PHEX: variants seen among roughly 807,000 people sequenced by gnomAD.
The protein encoded by PHEX is phosphate regulating endopeptidase X-linked.
In PHEX, 16 loss-of-function variants were observed where a neutral mutation model predicts 68.0. That is an observed-to-expected ratio of 0.24 (90% CI 0.16 to 0.36). PHEX has a LOEUF of 0.36. Ranked by LOEUF, PHEX falls within the 10% of genes least tolerant of loss-of-function variation. The pLI is 1.00. For missense variants in PHEX, 480 were observed against 575.5 expected (o/e 0.83, Z 1.70); for synonymous variants, 208 against 205.1 (o/e 1.01, Z -0.12).
Position 22,249,455 on chromosome X carries a change from A to AAAAATATATATATAT in PHEX, c.*1503_*1504insAAATATATATATATA. The AAAAATATATATATAT allele has an allele frequency of 3.0e-3, 118 of 39,708 alleles. No homozygotes were observed. Among genetic ancestry groups the AAAAATATATATATAT allele is most frequent in the Non-Finnish European group, 4.1e-3 (100 of 24,433 alleles). The allele number at this position is 39,708 out of a possible 1,213,427, so 3.3% of individuals were successfully genotyped here. On this transcript the variant is annotated 3_prime_UTR_variant, in exon 22 of 22. Transcript: ENST00000379374. The stretch of plus-strand genomic sequence containing the variant: ...TTGTGATTCTTTTAAAAAAAAAAAA[A>AAAAATATATATATAT]ATATATATATATATATATATATATA...
rs1602402424 is a variant in PHEX at position 22,219,178 on chromosome X, A to G, written c.1768+75A>G. ...TATATGGATGTTAATTGTTATGATT[A>G]TCTTTGCATAGCAGCAGCATCATAG... On this transcript the variant is annotated intron_variant, in intron 17 of 21. Transcript: ENST00000379374. 19 of 691,914 alleles carry G rather than the reference A, an allele frequency of 2.7e-5. No individual in the cohort carries two copies. In the East Asian group the frequency reaches 6.1e-4, roughly 22 times the overall value. 57.0% of individuals were successfully genotyped at this position (691,914 alleles called of 1,213,427 possible). A position where few individuals can be genotyped will look rare whatever the true frequency, so the allele number is the denominator to read the frequency against.
chrX:22,065,495 G>A (rs930362971), intron 3 of PHEX, among the ~76,000 whole-genome samples: 1 of 110,625 alleles, frequency 9.0e-6, no homozygotes, highest in African/African-American at 3.3e-5. Flanking sequence ...GCATGATCTC[G>A]GCTCACTGCA....
chrX:22,174,913 C>T (rs1933651364), intron 13 of PHEX, among the ~76,000 whole-genome samples: 2 of 112,060 alleles, frequency 1.8e-5, no homozygotes, highest in Non-Finnish European at 3.8e-5. Context: ...CCTTGAATCA[C>T]TGGTTCTCTT....
chrX:22,038,373 G>A, intron 1 of PHEX, 96 bp from the exon 2 acceptor site: 1 of 606,538 alleles, frequency 1.6e-6, no homozygotes. Context: ...TGAGAAGGAT[G>A]AACTGATATC....
chrX:22,039,452 T>C (rs776399860), intron 2 of PHEX, among the ~76,000 whole-genome samples: 40 of 112,201 alleles, frequency 3.6e-4, no homozygotes, highest in African/African-American at 1.2e-3. Flanking sequence ...GAAATTCCCA[T>C]GAGGGAATAT....
rs1368287973 is a variant in PHEX at position 22,130,329 on chromosome X, C to T, written c.1303-3194C>T. 6.3e-5 allele frequency among the ~76,000 whole-genome samples: 7 copies of T among 110,705 alleles called. No individual in the cohort carries two copies. The Admixed American group carries it at 6.7e-4, about 11-fold the overall frequency. ...CTGAGGCGGGTGGATCACCTGAGCT[C>T]GGAGGTTCGAGACTAGCCTGGGCAA... On this transcript the variant is annotated intron_variant, in intron 11 of 21. Transcript: ENST00000379374.
At position 22,032,898 on chromosome X, in the gene PHEX, A is replaced by C; in HGVS notation, c.-108A>C. 1 of 592,073 alleles carries C rather than the reference A, an allele frequency of 1.7e-6. No individual in the cohort carries two copies. 48.8% of individuals were successfully genotyped at this position (592,073 alleles called of 1,213,427 possible). On this transcript the variant is annotated 5_prime_UTR_variant, in exon 1 of 22. Transcript: ENST00000379374. ...CTGACGGCAGTTTCTTAAGCTGTCC[A>C]TTAGTAGAAGAGCAAGAAAGCCTTG...
In PHEX at chrX:22,247,928, G is replaced by T. The variant is rs1430905509; in HGVS notation, c.2225G>T (p.Gly742Val). The change falls in exon 22 of 22, where the codon GGC becomes GTC. Residue 742 changes from glycine (G) to valine (V), a missense_variant. By Grantham distance (109) the Gly-to-Val change is moderately radical. Coordinates refer to ENST00000379374, the MANE Select transcript of PHEX (RefSeq NM_000444.6). ...CCACCCAATTCCACGATGAACAGAGGCATGGACTCCTGCCGACTCTGGTAG... is the reference window on the plus strand; with the variant it reads ...CCACCCAATTCCACGATGAACAGAGTCATGGACTCCTGCCGACTCTGGTAG... ...NCPPNSTMNR[G>V]MDSCRLW 1 of 1,206,360 alleles carries T rather than the reference G, an allele frequency of 8.3e-7. No individual in the cohort carries two copies. Among genetic ancestry groups the T allele is most frequent in the East Asian group, 3.0e-5 (1 of 33,828 alleles).
chrX:22,201,964 A>C (rs763145242), intron 15 of PHEX, among the ~76,000 whole-genome samples: 1 of 94,512 alleles, frequency 1.1e-5, no homozygotes, highest in Non-Finnish European at 2.0e-5. Flanking sequence ...TCTTTAAAAA[A>C]TCAATTGTTT....
chrX:22,158,942 A>C (rs1165557214), intron 12 of PHEX, among the ~76,000 whole-genome samples: 1 of 112,618 alleles, frequency 8.9e-6, no homozygotes, highest in African/African-American at 3.2e-5. Context: ...AATCTTTACA[A>C]ACTCTCTGTT....
At chrX:22,056,156 T>C (rs1928095638) in intron 3 of PHEX, among the ~76,000 whole-genome samples, 2 of 112,335 alleles carry the variant, frequency 1.8e-5, no homozygotes, top group Non-Finnish European at 3.8e-5. Context: ...GAAAATAGTC[T>C]TATTTACCAA....
chrX:22,096,171 G>A (rs765844724), intron 7 of PHEX, among the ~76,000 whole-genome samples: 4 of 112,113 alleles, frequency 3.6e-5, no homozygotes, highest in East Asian at 5.6e-4. Context: ...AGGCCCGAAG[G>A]CAAAGTCATG....
intron 2 of PHEX, among the ~76,000 whole-genome samples, chrX:22,044,859 T>C (rs1236356984): frequency 9.0e-6 from 1 of 111,052 alleles, no homozygotes; most frequent in African/African-American, 3.3e-5. Flanking sequence ...TCTTTATTTT[T>C]ATTTATTTTT....
At chrX:22,067,655 G>A in intron 3 of PHEX, among the ~76,000 whole-genome samples, 1 of 110,811 alleles carries the variant, frequency 9.0e-6, no homozygotes, top group Non-Finnish European at 1.9e-5. Flanking sequence ...AAGAAAGACC[G>A]GTGAGTGCTG....
intron 6 of PHEX, among the ~76,000 whole-genome samples, chrX:22,092,749 C>CTTTCTTTT (rs1929948719): frequency 1.3e-5 from 1 of 77,953 alleles, no homozygotes; most frequent in African/African-American, 5.6e-5. Context: ...TTCTTTCTTT[C>CTTTCTTTT]TTTTTTTTTT....
chrX:22,247,576 G>T (rs1353510335), intron 21 of PHEX, among the ~76,000 whole-genome samples: 2 of 112,266 alleles, frequency 1.8e-5, no homozygotes, highest in Non-Finnish European at 1.9e-5. Context: ...TAAAAAGTTA[G>T]AAAAACTAAT....
intron 20 of PHEX, among the ~76,000 whole-genome samples, chrX:22,235,980 T>C (rs1935963454): frequency 9.0e-6 from 1 of 111,464 alleles, no homozygotes; most frequent in Non-Finnish European, 1.9e-5. Flanking sequence ...TTCAGTATGA[T>C]CCAACTCCAC....
intron 9 of PHEX, among the ~76,000 whole-genome samples, chrX:22,108,134 A>G (rs1930786149): frequency 1.8e-5 from 2 of 111,256 alleles, no homozygotes; most frequent in African/African-American, 6.5e-5. Flanking sequence ...TGTGAATGCA[A>G]AAGAGCCAAA....
intron 3 of PHEX, among the ~76,000 whole-genome samples, chrX:22,057,969 G>C (rs971615343): frequency 1.8e-5 from 2 of 111,701 alleles, no homozygotes; most frequent in Middle Eastern, 4.2e-3. Context: ...CACAGTCCCA[G>C]AAGACTCTTG....
Sources: allele counts gnomAD v4.1 joint callset (sites outside exome capture counted in the v4.1 genomes callset), GRCh38; gene constraint gnomAD v4.1.1; transcripts MANE v1.5; gene names NCBI Gene and HGNC (gene_info 2026-07-23, HGNC 2026-07-21).